The following SLC25A17 variants were observed in gnomAD, a reference collection of about 807,000 sequenced individuals.
The protein encoded by SLC25A17 is peroxisomal membrane protein PMP34.
In SLC25A17, 26 loss-of-function variants were observed where a neutral mutation model predicts 38.5. That is an observed-to-expected ratio of 0.68 (90% CI 0.50 to 0.94). The LOEUF (loss-of-function observed/expected upper bound fraction) is 0.94. Among genes scored for constraint, SLC25A17 ranks in the 40% least tolerant of loss-of-function variants. The pLI, the probability that SLC25A17 is intolerant of heterozygous loss-of-function variation, is 0.00. For missense variants in SLC25A17, 333 were observed against 372.7 expected (o/e 0.89, Z 0.88); for synonymous variants, 139 against 136.2 (o/e 1.02, Z -0.14).
chr22:40,776,406 A>G, intron 7 of SLC25A17: 3 of 398,300 alleles, frequency 7.5e-6, no homozygotes, highest in South Asian at 6.0e-5. Context: ...CTGACTTTGT[A>G]AAGGATAATC....
intron 2 of SLC25A17, among the ~76,000 whole-genome samples, chr22:40,796,844 A>G (rs1244830859): frequency 6.6e-6 from 1 of 152,188 alleles, no homozygotes; most frequent in Admixed American, 6.5e-5. Context: ...GTGCATTCAC[A>G]CCATGGAATG....
chr22:40,819,083 A>G, intron 1 of SLC25A17, 112 bp downstream of exon 1: 1 of 1,143,788 alleles, frequency 8.7e-7, no homozygotes, highest in East Asian at 2.5e-5. Context: ...ATGACAGTGG[A>G]CCCCAACCCA....
intron 6 of SLC25A17, 26 bp downstream of exon 6, chr22:40,777,202 T>C (rs2057252494): frequency 6.2e-6 from 10 of 1,613,382 alleles, no homozygotes; most frequent in Non-Finnish European, 8.5e-6. Context: ...CAGAATTATT[T>C]TACTGCTTTC....
Position 40,770,693 on chromosome 22 carries a change from T to A in SLC25A17, c.*141A>T. 1.2e-6 allele frequency: 1 copy of A among 809,090 alleles called. No individual in the cohort carries two copies. The highest frequency in any genetic ancestry group is 1.8e-6 in the Non-Finnish European group (1 of 558,486). 50.1% of individuals were successfully genotyped at this position (809,090 alleles called of 1,614,324 possible). ...AACAGGTCCAGTTGGCCATACTCCC[T>A]GTGCACCCTTGGATGCTTTTCAAGC... On this transcript the variant is annotated 3_prime_UTR_variant, in exon 9 of 9. Transcript: ENST00000435456.
chr22:40,792,037 A>G (rs1288849818), intron 4 of SLC25A17, among the ~76,000 whole-genome samples: 1 of 152,242 alleles, frequency 6.6e-6, no homozygotes, highest in East Asian at 1.9e-4. Flanking sequence ...CATATAATGG[A>G]ATATTATTCA....
intron 1 of SLC25A17, among the ~76,000 whole-genome samples, chr22:40,805,796 C>G (rs977355369): frequency 2.0e-5 from 3 of 152,090 alleles, no homozygotes; most frequent in Admixed American, 1.3e-4. Flanking sequence ...TCAGTCTGAT[C>G]TACAGATCTA....
At chr22:40,790,278 T>G (rs1266022464) in intron 4 of SLC25A17, among the ~76,000 whole-genome samples, 2 of 142,652 alleles carry the variant, frequency 1.4e-5, no homozygotes, top group Non-Finnish European at 3.0e-5. Context: ...GAGGTGGAGG[T>G]TGCAGCAATC....
intron 1 of SLC25A17, among the ~76,000 whole-genome samples, chr22:40,808,930 T>C (rs2057553466): frequency 6.6e-6 from 1 of 152,206 alleles, no homozygotes; most frequent in Admixed American, 6.5e-5. Context: ...TGCATAAATG[T>C]GTGATATTGC....
chr22:40,790,734 T>C (rs1311992401), intron 4 of SLC25A17, among the ~76,000 whole-genome samples: 1 of 152,196 alleles, frequency 6.6e-6, no homozygotes, highest in Non-Finnish European at 1.5e-5. Context: ...GATTTCAACA[T>C]ATAGTCCATG....
chr22:40,791,198 G>A (rs2057382830), intron 4 of SLC25A17, among the ~76,000 whole-genome samples: 1 of 152,178 alleles, frequency 6.6e-6, no homozygotes, highest in Admixed American at 6.5e-5. Context: ...AGTGGTTCTT[G>A]ATGGCCAAGC....
chr22:40,788,151 A>G lies in SLC25A17; in HGVS notation c.334+4374T>C, dbSNP rs1463434745. Among the ~76,000 whole-genome samples the G allele has an allele frequency of 2.6e-5, 4 of 152,374 alleles. No homozygotes were observed. In the East Asian group the frequency reaches 7.7e-4, roughly 29 times the overall value. On this transcript the variant is annotated intron_variant, in intron 4 of 8. Transcript: ENST00000435456. ...TTTTACCATGAAAATTTCACTTTTC[A>G]TCACAAACTAGTGACTTGCCTTTTT...
chr22:40,814,818 T>G lies in SLC25A17; in HGVS notation c.54+4377A>C, dbSNP rs577161207. 1.2e-3 allele frequency among the ~76,000 whole-genome samples: 173 copies of G among 149,262 alleles called. 4 individuals are homozygous for G. The highest frequency in any genetic ancestry group is 4.0e-3 in the African/African-American group (162 of 40,614). On this transcript the variant is annotated intron_variant, in intron 1 of 8. Coordinates refer to ENST00000435456, the MANE Select transcript of SLC25A17 (RefSeq NM_006358.4). ...TTGTTGTTGTTGTTGTTTTGTTTTG[T>G]TTTGGTTTTTTTTGTTTTTGAGACG...
intron 4 of SLC25A17, among the ~76,000 whole-genome samples, chr22:40,782,503 A>G (rs771813089): frequency 1.4e-4 from 21 of 152,190 alleles, no homozygotes; most frequent in Non-Finnish European, 2.1e-4. Context: ...ACAGCTATTT[A>G]CTCCTGAAAT....
chr22:40,781,272 G>C (rs1394098426), intron 4 of SLC25A17, among the ~76,000 whole-genome samples: 1 of 149,518 alleles, frequency 6.7e-6, no homozygotes, highest in African/African-American at 2.5e-5. Flanking sequence ...TTGAGACGGA[G>C]TCTCGCTCTT....
At position 40,789,798 on chromosome 22, in the gene SLC25A17, G is replaced by A. The variant is rs147640062; in HGVS notation, c.334+2727C>T. On this transcript the variant is annotated intron_variant, in intron 4 of 8. Transcript: ENST00000435456. This position sits in a 1 kb window ranked among gnomAD's most constrained non-coding sequence, Gnocchi z 4.5. The stretch of plus-strand genomic sequence containing the variant: ...GCTGGGATTACAGGCGTGAGCCACC[G>A]CGCCTGGTCTAAAATTTATTTTTTA... Among the ~76,000 whole-genome samples, 10 of 150,576 alleles carry A rather than the reference G, an allele frequency of 6.6e-5. No individual in the cohort carries two copies. The highest frequency in any genetic ancestry group is 2.0e-4 in the East Asian group (1 of 4,894).
intron 1 of SLC25A17, among the ~76,000 whole-genome samples, chr22:40,805,792 T>C (rs1260867550): frequency 1.3e-5 from 2 of 152,172 alleles, no homozygotes; most frequent in East Asian, 3.8e-4. Flanking sequence ...CACATCAGTC[T>C]GATCTACAGA....
intron 1 of SLC25A17, among the ~76,000 whole-genome samples, chr22:40,803,846 G>A (rs1227681648): frequency 1.4e-5 from 2 of 147,404 alleles, no homozygotes; most frequent in Non-Finnish European, 3.0e-5. Context: ...TAATGGCTAA[G>A]TTGGAAAGTG....
chr22:40,783,443 G>A (rs988109155), intron 4 of SLC25A17, among the ~76,000 whole-genome samples: 2 of 152,086 alleles, frequency 1.3e-5, no homozygotes, highest in African/African-American at 4.8e-5. Context: ...TCAAAACACA[G>A]GAATTCACTT....
chr22:40,803,949 A>G (rs1314721319), intron 1 of SLC25A17, among the ~76,000 whole-genome samples: 1 of 151,616 alleles, frequency 6.6e-6, no homozygotes, highest in Non-Finnish European at 1.5e-5. Context: ...CCTTTCTCTG[A>G]ATGTTTCATT....
Sources: gnomAD v4.1 joint callset for allele counts (sites outside exome capture counted in the v4.1 genomes callset) on GRCh38, gnomAD v4.1.1 for gene constraint, Gnocchi (gnomAD v3.1) non-coding constraint, MANE v1.5 for transcripts, NCBI Gene and HGNC (gene_info 2026-07-23, HGNC 2026-07-21) for gene names.